The following BFSP1 variants were observed in gnomAD, a reference collection of about 807,000 sequenced individuals.
The protein encoded by BFSP1 is beaded filament structural protein 1.
Under a neutral mutation model 43.9 loss-of-function variants are expected in BFSP1, and 38 were observed. The ratio of observed to expected loss-of-function variants is 0.87; its 90% CI spans 0.67 to 1.14. BFSP1 has a LOEUF of 1.14. Ranked by LOEUF, BFSP1 falls within the 50% of genes most tolerant of loss-of-function variation. The pLI is 0.00. For synonymous variants in BFSP1, 352 were observed against 354.8 expected (o/e 0.99, Z 0.09); for missense variants, 850 against 875.1 (o/e 0.97, Z 0.36).
At chr20:17,564,861 T>G (rs2035101821) in intron 1 of BFSP1, among the ~76,000 whole-genome samples, 1 of 152,158 alleles carries the variant, frequency 6.6e-6, no homozygotes, top group Non-Finnish European at 1.5e-5. Context: ...AGTGCTGGGA[T>G]TACAGGTGTG....
intron 1 of BFSP1, among the ~76,000 whole-genome samples, chr20:17,553,176 T>C (rs1452993860): frequency 1.3e-5 from 2 of 152,012 alleles, no homozygotes; most frequent in East Asian, 3.9e-4. Context: ...AAGTAAAGTG[T>C]TTCAAAGTGA....
chr20:17,519,626 C>A (rs1220812771), intron 2 of BFSP1, among the ~76,000 whole-genome samples: 3 of 152,238 alleles, frequency 2.0e-5, no homozygotes, highest in Non-Finnish European at 2.9e-5. Context: ...TTCTTCCCCA[C>A]CTCCCTCCTA....
At chr20:17,501,019 C>T (rs1229869183) in intron 5 of BFSP1, among the ~76,000 whole-genome samples, 1 of 152,188 alleles carries the variant, frequency 6.6e-6, no homozygotes, top group East Asian at 1.9e-4. Context: ...GGAGACTCCG[C>T]CTTGCTCACC....
intron 1 of BFSP1, among the ~76,000 whole-genome samples, chr20:17,537,513 G>A (rs1167456047): frequency 6.9e-6 from 1 of 144,444 alleles, no homozygotes; most frequent in African/African-American, 2.6e-5. Flanking sequence ...CTATCAAAGA[G>A]AGCACTAAGC....
chr20:17,539,105 C>CTTCTTTTT (rs34002192), intron 1 of BFSP1, among the ~76,000 whole-genome samples: 23 of 63,556 alleles, frequency 3.6e-4, no homozygotes, highest in East Asian at 1.0e-3. Flanking sequence ...ATTTCTTCTT[C>CTTCTTTTT]TTTTTTTTTT....
At chr20:17,503,455 G>A (rs529097644) in intron 5 of BFSP1, among the ~76,000 whole-genome samples, 1 of 152,302 alleles carries the variant, frequency 6.6e-6, no homozygotes, top group South Asian at 2.1e-4. Flanking sequence ...TTGGGTGTGG[G>A]TTCCCCAGCC....
intron 4 of BFSP1, among the ~76,000 whole-genome samples, chr20:17,509,689 G>A (rs73902004): frequency 0.014 from 2,168 of 152,242 alleles, 63 homozygotes; most frequent in African/African-American, 0.046. Context: ...TTGGAGCCGC[G>A]AGCCATACGC....
intron 1 of BFSP1, among the ~76,000 whole-genome samples, chr20:17,568,310 G>A (rs1282222551): frequency 6.6e-6 from 1 of 152,102 alleles, no homozygotes; most frequent in Non-Finnish European, 1.5e-5. Flanking sequence ...CGAAATGCAG[G>A]AGAGGCTGGA....
chr20:17,512,052 T>C lies in BFSP1; in HGVS notation c.551A>G (p.Gln184Arg). ...CTGCTGCAGGATGCTGATATAGGTC[T>C]GAACTTCCAGAAGATTCTGTTGGGG... ...DRHKKNLLEV[Q>R]TYISILQQII... Residue 184 changes from glutamine to arginine, a missense_variant, in exon 4 of 8, where the codon CAG (glutamine) becomes CGG (arginine). By Grantham distance (43) the Gln-to-Arg change is conservative (BLOSUM62 1). Coordinates refer to ENST00000377873, the MANE Select transcript of BFSP1 (RefSeq NM_001195.5). 1.2e-6 allele frequency: 2 copies of C among 1,608,606 alleles called. No individual in the cohort carries two copies. Among genetic ancestry groups the C allele is most frequent in the Non-Finnish European group, 1.7e-6 (2 of 1,174,962 alleles).
At chr20:17,547,897 ATTTT>A (rs71192391) in intron 1 of BFSP1, among the ~76,000 whole-genome samples, 3 of 101,874 alleles carry the variant, frequency 2.9e-5, no homozygotes, top group East Asian at 3.0e-4. Flanking sequence ...TGCCCGGCCA[ATTTT>A]TTTTTTTTTT....
intron 3 of BFSP1, among the ~76,000 whole-genome samples, chr20:17,513,709 G>A (rs2034138778): frequency 6.6e-6 from 1 of 152,244 alleles, no homozygotes; most frequent in Admixed American, 6.5e-5. Context: ...CAGACCCTGA[G>A]AGAGGGATCT....
intron 3 of BFSP1, 38 bp from the exon 4 acceptor site, chr20:17,512,106 G>A (rs759404526): frequency 2.9e-5 from 45 of 1,532,472 alleles, no homozygotes; most frequent in Non-Finnish European, 3.6e-5. Flanking sequence ...TATAAGTTGA[G>A]CTGCGCTGGT....
At chr20:17,497,052 C>T in intron 6 of BFSP1, 29 bp from the exon 7 acceptor site, 1 of 1,477,330 alleles carries the variant, frequency 6.8e-7, no homozygotes. Flanking sequence ...AAGAACAAGC[C>T]AAACAGAGGT....
Position 17,542,512 on chromosome 20 carries a change from T to C in BFSP1, c.2+16176A>G, listed in dbSNP as rs898006628. Among the ~76,000 whole-genome samples the C allele has an allele frequency of 2.6e-5, 4 of 151,680 alleles. No homozygotes were observed. The East Asian group carries it at 7.8e-4, about 29-fold the overall frequency. ...TACTCAGGAGGCTGAGGTGGGAGGA[T>C]CACTAGAGCCCAAGAGGTCAGGGCT... is the stretch of plus-strand genomic sequence containing the variant. On this transcript the variant is annotated intron_variant, in intron 1 of 7. Transcript: ENST00000377868.
chr20:17,520,719 C>T (rs1345239171), intron 2 of BFSP1, among the ~76,000 whole-genome samples: 4 of 152,150 alleles, frequency 2.6e-5, no homozygotes, highest in Non-Finnish European at 4.4e-5. Flanking sequence ...TCTCCACCCC[C>T]AGACTCCTCC....
Position 17,512,027 on chromosome 20 carries a change from C to G in BFSP1, c.576G>C (p.Gln192His). 6.2e-7 allele frequency: 1 copy of G among 1,612,404 alleles called. No individual in the cohort carries two copies. Among genetic ancestry groups the G allele is most frequent in the Non-Finnish European group, 8.5e-7 (1 of 1,178,470 alleles). ...EVQTYISILQ[Q>H]IIHTTPPASI... is the part of the protein sequence containing the mutation. ...ATGCTGGAGGAGTGGTGTGGATGAT[C>G]TGCTGCAGGATGCTGATATAGGTCT... The change falls in exon 4 of 8, where the codon CAG (glutamine) becomes CAC (histidine). Residue 192 changes from glutamine to histidine, a missense_variant. Physicochemically the swap from Gln to His is conservative, Grantham distance 24. Transcript: ENST00000377873.
upstream of BFSP1, among the ~76,000 whole-genome samples, chr20:17,536,195 A>G (rs139858317): frequency 8.0e-3 from 1,225 of 152,350 alleles, 17 homozygotes; most frequent in African/African-American, 0.028. Context: ...TAGCAGTACA[A>G]AAATATCAGA....
At chr20:17,539,615 T>A (rs73262345) in intron 1 of BFSP1, among the ~76,000 whole-genome samples, 193 of 151,780 alleles carry the variant, frequency 1.3e-3, no homozygotes, top group African/African-American at 4.0e-3. Flanking sequence ...ATACAAAAAA[T>A]TAGCTGAGCA....
chr20:17,505,688 G>A lies in BFSP1; in HGVS notation c.735+3201C>T, dbSNP rs540274404. Among the ~76,000 whole-genome samples, 33 of 152,342 alleles carry A rather than the reference G, an allele frequency of 2.2e-4. No individual in the cohort carries two copies. The South Asian group carries it at 2.5e-3, about 11-fold the overall frequency. The stretch of plus-strand genomic sequence containing the variant: ...AATGAGGCCCAAGCCTGGGACACAG[G>A]GGGACCAGGTGGAACATTCGCCCAC... On this transcript the variant is annotated intron_variant, in intron 5 of 7. Coordinates refer to ENST00000377873, the MANE Select transcript of BFSP1 (RefSeq NM_001195.5).
Sources: gnomAD v4.1 joint callset for allele counts (sites outside exome capture counted in the v4.1 genomes callset) on GRCh38, gnomAD v4.1.1 for gene constraint, MANE v1.5 for transcripts, NCBI Gene and HGNC (gene_info 2026-07-23, HGNC 2026-07-21) for gene names.